The following PPARGC1A variants were observed in gnomAD, a reference collection of about 807,000 sequenced individuals.
PPARGC1A encodes the protein PPARG coactivator 1 alpha, also known as peroxisome proliferator-activated receptor gamma coactivator 1-alpha.
Under a neutral mutation model 88.7 loss-of-function variants are expected in PPARGC1A, and 25 were observed. That is an observed-to-expected ratio of 0.28 (90% confidence interval 0.21 to 0.39). The LOEUF (loss-of-function observed/expected upper bound fraction) is 0.39. Ranked by LOEUF, PPARGC1A falls within the 10% of genes least tolerant of loss-of-function variation. PPARGC1A has a pLI of 1.00. For missense variants in PPARGC1A, 880 were observed against 968.7 expected (o/e 0.91, Z 1.22); for synonymous variants, 363 against 355.6 (o/e 1.02, Z -0.24).
the PPARGC1A span, among the ~76,000 whole-genome samples, chr4:23,928,484 CT>C: frequency 6.6e-6 from 1 of 152,042 alleles, no homozygotes; most frequent in Admixed American, 6.5e-5. Context: ...AATAGGAATG[CT>C]TTTATACTGT....
chr4:23,987,339 T>C, the PPARGC1A span, among the ~76,000 whole-genome samples: 3 of 152,002 alleles, frequency 2.0e-5, no homozygotes, highest in Non-Finnish European at 2.9e-5. Flanking sequence ...ATCCAAACCT[T>C]TGCATGCATA....
At position 23,794,596 on chromosome 4, in the gene PPARGC1A, C is replaced by G. The variant is rs1466475227; in HGVS notation, c.*1226G>C. The G allele has an allele frequency of 6.6e-6, 1 of 152,400 alleles. No individual in the cohort carries two copies. Among genetic ancestry groups the G allele is most frequent in the Non-Finnish European group, 1.5e-5 (1 of 68,000 alleles). The allele number at this position is 152,400 out of a possible 1,614,324, so 9.4% of individuals were successfully genotyped here. ...TGTTAGTGTACAATAATTGTTTCAC[C>G]TCATAATTACATTTGAATATTCTTG... is the stretch of plus-strand genomic sequence containing the variant. On this transcript the variant is annotated 3_prime_UTR_variant, in exon 13 of 13. Transcript: ENST00000264867.
the PPARGC1A span, among the ~76,000 whole-genome samples, chr4:24,080,268 CTCAA>C: frequency 8.0e-4 from 121 of 152,062 alleles, 3 homozygotes; most frequent in East Asian, 0.019. Flanking sequence ...TATATAATTA[CTCAA>C]TCAGTTTATT....
the PPARGC1A span, among the ~76,000 whole-genome samples, chr4:24,196,898 A>T: frequency 6.6e-6 from 1 of 152,198 alleles, no homozygotes; most frequent in South Asian, 2.1e-4. Flanking sequence ...TTGCTTAGAA[A>T]TCATTAATTG....
At chr4:24,174,955 C>T in the PPARGC1A span, among the ~76,000 whole-genome samples, 1 of 152,150 alleles carries the variant, frequency 6.6e-6, no homozygotes, top group African/African-American at 2.4e-5. Context: ...CCTAAGAATG[C>T]TGTTGCAAAG....
the PPARGC1A span, among the ~76,000 whole-genome samples, chr4:24,455,406 T>C: frequency 6.6e-6 from 1 of 152,184 alleles, no homozygotes; most frequent in African/African-American, 2.4e-5. Flanking sequence ...ACTTGAGTCT[T>C]GGAGTTTAAG....
the PPARGC1A span, among the ~76,000 whole-genome samples, chr4:24,387,758 G>A: frequency 2.6e-3 from 160 of 62,320 alleles, 3 homozygotes; most frequent in African/African-American, 0.01. Flanking sequence ...GAGAGAGAGA[G>A]AGAGAGAGAG....
At chr4:24,314,840 A>G in the PPARGC1A span, among the ~76,000 whole-genome samples, 1 of 152,150 alleles carries the variant, frequency 6.6e-6, no homozygotes, top group South Asian at 2.1e-4. Context: ...TTGGAAGCCC[A>G]GAGTAGTGCC....
At chr4:23,844,664 T>C (rs1227625764) in intron 2 of PPARGC1A, among the ~76,000 whole-genome samples, 1 of 104,136 alleles carries the variant, frequency 9.6e-6, no homozygotes, top group East Asian at 2.6e-4. Context: ...ATATATATCA[T>C]ATATTATAAT....
chr4:23,922,634 T>C, the PPARGC1A span, among the ~76,000 whole-genome samples: 1 of 152,354 alleles, frequency 6.6e-6, no homozygotes, highest in Admixed American at 6.5e-5. Context: ...GCTGGCATCT[T>C]AGCTTTCTGT....
At chr4:24,133,499 T>C in the PPARGC1A span, among the ~76,000 whole-genome samples, 1 of 152,192 alleles carries the variant, frequency 6.6e-6, no homozygotes, top group African/African-American at 2.4e-5. Flanking sequence ...GCAACTTGGC[T>C]CCTCAAGCAG....
the PPARGC1A span, among the ~76,000 whole-genome samples, chr4:24,064,768 T>C: frequency 1.3e-5 from 2 of 152,118 alleles, no homozygotes; most frequent in African/African-American, 4.8e-5. Flanking sequence ...TTGGTTGGTT[T>C]GTTTGTTTTT....
In PPARGC1A at chr4:23,823,098, T is replaced by C. The variant is rs1234349761; in HGVS notation, c.877+1182A>G. ...TAAAATCTCCTGTAAATGAATGAAA[T>C]GTGAGTGTGGAAAAATATTCCTGTA... is the stretch of plus-strand genomic sequence containing the variant. On this transcript the variant is annotated intron_variant, in intron 7 of 12. Coordinates refer to ENST00000264867, the MANE Select transcript of PPARGC1A (RefSeq NM_013261.5). Among the ~76,000 whole-genome samples the C allele has an allele frequency of 2.0e-4, 29 of 145,184 alleles. No individual in the cohort carries two copies. The Admixed American group carries it at 2.1e-3, about 10-fold the overall frequency.
chr4:24,394,273 A>G, the PPARGC1A span, among the ~76,000 whole-genome samples: 1 of 152,146 alleles, frequency 6.6e-6, no homozygotes, highest in African/African-American at 2.4e-5. Context: ...TGTACCACCT[A>G]AGGTCATTTT....
chr4:23,909,830 A>G, the PPARGC1A span, among the ~76,000 whole-genome samples: 1 of 151,714 alleles, frequency 6.6e-6, no homozygotes, highest in Non-Finnish European at 1.5e-5. Flanking sequence ...GTTCTTCTCA[A>G]TACTAAGGAG....
chr4:24,214,918 A>C, the PPARGC1A span, among the ~76,000 whole-genome samples: 1 of 152,234 alleles, frequency 6.6e-6, no homozygotes, highest in Non-Finnish European at 1.5e-5. Flanking sequence ...CTTTGTATTT[A>C]TGCAAACACC....
rs1166543609 is a variant in PPARGC1A, at chr4:23,832,671, G to A, written c.235-920C>T. ...ATCGCCCAGACTGGAGTGCAGTGGC[G>A]CGATCTCGGCTCACTGCAAGCTCCG... On this transcript the variant is annotated intron_variant, in intron 2 of 12. Transcript: ENST00000264867. Among the ~76,000 whole-genome samples the A allele has an allele frequency of 5.1e-4, 75 of 148,296 alleles. 1 individual carries two copies. Among genetic ancestry groups the A allele is most frequent in the Non-Finnish European group, 3.1e-4 (21 of 67,344 alleles).
the PPARGC1A span, among the ~76,000 whole-genome samples, chr4:24,060,615 T>C: frequency 1.3e-5 from 2 of 152,190 alleles, no homozygotes; most frequent in Non-Finnish European, 2.9e-5. Flanking sequence ...TGGGGAAAGA[T>C]GTAATTTTTT....
chr4:23,947,830 A>AGAG, the PPARGC1A span, among the ~76,000 whole-genome samples: 1 of 152,114 alleles, frequency 6.6e-6, no homozygotes, highest in Non-Finnish European at 1.5e-5. Flanking sequence ...TGGGAGGCAG[A>AGAG]GAGTGGGCAC....
Sources: gnomAD v4.1 joint callset for allele counts (sites outside exome capture counted in the v4.1 genomes callset) on GRCh38, gnomAD v4.1.1 for gene constraint, MANE v1.5 for transcripts, NCBI Gene and HGNC (gene_info 2026-07-23, HGNC 2026-07-21) for gene names.